The following DNAJC12 variants were observed in gnomAD, a reference collection of about 807,000 sequenced individuals.
The protein encoded by DNAJC12 is DnaJ heat shock protein family (Hsp40) member C12, also known as dnaJ homolog subfamily C member 12.
A neutral mutation model predicts 28.5 loss-of-function variants in DNAJC12; 25 were observed. The ratio of observed to expected loss-of-function variants is 0.88; its 90% CI spans 0.64 to 1.22. DNAJC12 has a LOEUF of 1.22. DNAJC12 is among the 50% of genes most tolerant of loss of function. The probability of loss-of-function intolerance (pLI) is 0.00; values close to 1 mark genes in which losing one functional copy is unlikely to be tolerated. For missense variants in DNAJC12, 222 were observed against 231.7 expected, an observed-to-expected ratio of 0.96 and a Z score of 0.27; for synonymous variants, 77 against 80.6, an observed-to-expected ratio of 0.95 and a Z score of 0.24.
intron 1 of DNAJC12, among the ~76,000 whole-genome samples, chr10:67,835,816 T>G (rs892086934): frequency 4.6e-5 from 7 of 152,032 alleles, no homozygotes; most frequent in Non-Finnish European, 1.0e-4. Flanking sequence ...TATCTAGATA[T>G]GATATGCCAT....
chr10:67,822,110 C>G (rs1841987036), intron 2 of DNAJC12, among the ~76,000 whole-genome samples: 1 of 152,082 alleles, frequency 6.6e-6, no homozygotes. Flanking sequence ...ATCAAAAGAG[C>G]TGGTGATTTA....
At chr10:67,833,440 T>TCTCC (rs1842112909) in intron 1 of DNAJC12, among the ~76,000 whole-genome samples, 1 of 10,826 alleles carries the variant, frequency 9.2e-5, no homozygotes, top group Non-Finnish European at 3.8e-4. Context: ...TCCCTCTCCC[T>TCTCC]CTCTCTCTCT....
At chr10:67,828,708 A>G (rs1046332379) in intron 1 of DNAJC12, among the ~76,000 whole-genome samples, 2 of 151,894 alleles carry the variant, frequency 1.3e-5, no homozygotes, top group African/African-American at 4.8e-5. Context: ...ATATATGAAG[A>G]GCCTTTAATT....
chr10:67,818,863 C>G (rs901314470), intron 2 of DNAJC12, among the ~76,000 whole-genome samples: 112 of 152,124 alleles, frequency 7.4e-4, no homozygotes, highest in African/African-American at 2.6e-3. Context: ...CCATGTTGGT[C>G]AGGCTGGTCT....
chr10:67,807,559 C>T (rs1393433186), intron 3 of DNAJC12, among the ~76,000 whole-genome samples: 1 of 151,890 alleles, frequency 6.6e-6, no homozygotes, highest in African/African-American at 2.4e-5. Context: ...TTTGCATATG[C>T]ACAAAATAAA....
At chr10:67,805,391 T>C (rs778794229) in intron 4 of DNAJC12, among the ~76,000 whole-genome samples, 192 bp downstream of exon 4, 3 of 152,224 alleles carry the variant, frequency 2.0e-5, no homozygotes, top group Non-Finnish European at 4.4e-5. Context: ...ACACTGAGAA[T>C]TGTCTCAAGG....
At chr10:67,828,713 T>G (rs982248842) in intron 1 of DNAJC12, among the ~76,000 whole-genome samples, 2 of 151,984 alleles carry the variant, frequency 1.3e-5, no homozygotes, top group African/African-American at 4.8e-5. Flanking sequence ...TGAAGAGCCT[T>G]TAATTTATTT....
In DNAJC12 at chr10:67,811,503, C is replaced by T. The variant is rs367986394; in HGVS notation, c.297+21G>A. ...CATCCTGAGCTTCACAAATTCACGT[C>T]GCACCCAGCGAGAAACCCACCGTCT... On this transcript the variant is annotated intron_variant, in intron 3 of 4. Transcript: ENST00000225171. 1.8e-4 allele frequency: 287 copies of T among 1,613,598 alleles called. No individual in the cohort carries two copies. Among genetic ancestry groups the T allele is most frequent in the Middle Eastern group, 6.6e-4 (4 of 6,082 alleles).
At chr10:67,800,544 A>G (rs532190368) in intron 4 of DNAJC12, among the ~76,000 whole-genome samples, 1 of 152,332 alleles carries the variant, frequency 6.6e-6, no homozygotes, top group Non-Finnish European at 1.5e-5. Context: ...TGCCAGAGCA[A>G]GCCCTCTGGC....
intron 2 of DNAJC12, among the ~76,000 whole-genome samples, chr10:67,813,346 G>A (rs1238504527): frequency 6.6e-6 from 1 of 152,178 alleles, no homozygotes; most frequent in African/African-American, 2.4e-5. Context: ...CTAGATGACA[G>A]AGCGAGACTC....
At chr10:67,820,612 G>GA (rs909075477) in intron 2 of DNAJC12, among the ~76,000 whole-genome samples, 7 of 150,966 alleles carry the variant, frequency 4.6e-5, no homozygotes, top group African/African-American at 7.3e-5. Context: ...AATAAAAAGG[G>GA]AAAAAAAATC....
chr10:67,800,934 T>C (rs181225352), intron 4 of DNAJC12, among the ~76,000 whole-genome samples: 3,433 of 151,496 alleles, frequency 0.023, 132 homozygotes, highest in African/African-American at 0.079. Flanking sequence ...CAAAGCAAGA[T>C]TCTGTCTAAA....
intron 3 of DNAJC12, among the ~76,000 whole-genome samples, chr10:67,810,520 T>C (rs116123676): frequency 0.023 from 3,439 of 152,270 alleles, 139 homozygotes; most frequent in African/African-American, 0.078. Flanking sequence ...ACTAATAATG[T>C]TCCCAAACAA....
intron 4 of DNAJC12, among the ~76,000 whole-genome samples, chr10:67,802,449 A>G (rs574841163): frequency 3.3e-5 from 5 of 152,276 alleles, no homozygotes; most frequent in Non-Finnish European, 1.5e-5. Context: ...ACAGCTTGCT[A>G]GCTCCCAGAA....
intron 2 of DNAJC12, among the ~76,000 whole-genome samples, chr10:67,819,895 C>T (rs935703981): frequency 5.3e-5 from 8 of 152,174 alleles, no homozygotes; most frequent in African/African-American, 1.9e-4. Context: ...TAGGGGCATA[C>T]GACTGTGAAC....
intron 3 of DNAJC12, chr10:67,811,125 A>C (rs1196564887): frequency 4.1e-6 from 1 of 240,970 alleles, no homozygotes; most frequent in Admixed American, 6.3e-5. Context: ...TTTTAATGAA[A>C]ATTCTAAGCC....
At chr10:67,822,359 G>A (rs745800128) in intron 2 of DNAJC12, among the ~76,000 whole-genome samples, 4 of 152,194 alleles carry the variant, frequency 2.6e-5, no homozygotes, top group Non-Finnish European at 5.9e-5. Flanking sequence ...GGGGAGATAA[G>A]TACCAAAAGG....
At chr10:67,802,937 A>G (rs754668840) in intron 4 of DNAJC12, among the ~76,000 whole-genome samples, 1 of 150,986 alleles carries the variant, frequency 6.6e-6, no homozygotes, top group Non-Finnish European at 1.5e-5. Flanking sequence ...TGCAGCCTCA[A>G]CATCCCCCCC....
Position 67,811,673 on chromosome 10 carries a change from A to T in DNAJC12, c.158-10T>A. The T allele has an allele frequency of 6.2e-7, 1 of 1,609,282 alleles. No individual in the cohort carries two copies. The highest frequency in any genetic ancestry group is 1.3e-5 in the African/African-American group (1 of 74,760). ...TTCTGAAAAGTCTCCACTGGAAAAC[A>T]AATCAAGAAATGAGCACTTCTCTCT... On this transcript the variant is annotated splice_polypyrimidine_tract_variant and intron_variant, in intron 2 of 4. Transcript: ENST00000225171.
Sources: allele counts gnomAD v4.1 joint callset (sites outside exome capture counted in the v4.1 genomes callset), GRCh38; gene constraint gnomAD v4.1.1; transcripts MANE v1.5; gene names NCBI Gene and HGNC (gene_info 2026-07-23, HGNC 2026-07-21).